Variants in CNKSR2 observed in about 807,000 individuals in gnomAD.
The protein encoded by CNKSR2 is connector enhancer of kinase suppressor of Ras 2, also known as CNK homolog protein 2.
CNKSR2 carries 14 observed loss-of-function variants against 84.4 expected under a neutral mutation model. That is an observed-to-expected ratio of 0.17 (90% confidence interval 0.11 to 0.26). CNKSR2 has a LOEUF of 0.26. Ranked by LOEUF, CNKSR2 falls within the 10% of genes least tolerant of loss-of-function variation. CNKSR2 has a pLI of 1.00. For synonymous variants in CNKSR2, 275 were observed against 277.9 expected, an observed-to-expected ratio of 0.99 and a Z score of 0.10; for missense variants, 485 against 771.2, an observed-to-expected ratio of 0.63 and a Z score of 4.40.
chrX:21,595,200 A>G (rs747990594), intron 16 of CNKSR2, 124 bp from the exon 17 acceptor site: 12 of 648,576 alleles, frequency 1.9e-5, no homozygotes, highest in African/African-American at 6.6e-5. Context: ...GATTTCTGTC[A>G]CCATGATAGA....
At chrX:21,512,714 T>C (rs978636443) in intron 8 of CNKSR2, among the ~76,000 whole-genome samples, 4 of 111,298 alleles carry the variant, frequency 3.6e-5, no homozygotes, top group African/African-American at 1.3e-4. Flanking sequence ...AAGTCATAGG[T>C]GACTCCAAAC....
At chrX:21,458,375 A>G (rs1462443053) in intron 4 of CNKSR2, among the ~76,000 whole-genome samples, 1 of 112,063 alleles carries the variant, frequency 8.9e-6, no homozygotes, top group Non-Finnish European at 1.9e-5. Flanking sequence ...GACCATTGCT[A>G]TATGTATGCA....
At chrX:21,557,614 G>T (rs1214750417) in intron 11 of CNKSR2, among the ~76,000 whole-genome samples, 2 of 111,223 alleles carry the variant, frequency 1.8e-5, no homozygotes, top group Non-Finnish European at 3.8e-5. Context: ...CAAGGCTTAT[G>T]ATAGGGTGCC....
At chrX:21,506,674 T>C (rs2147076680) in intron 8 of CNKSR2, 1 of 111,813 alleles carries the variant, frequency 8.9e-6, no homozygotes, top group South Asian at 3.7e-4. Context: ...AACCAATTTA[T>C]TTTCTCTGCA....
intron 13 of CNKSR2, among the ~76,000 whole-genome samples, chrX:21,568,162 C>T (rs949058042): frequency 9.0e-5 from 10 of 110,776 alleles, no homozygotes; most frequent in African/African-American, 3.0e-4. Flanking sequence ...GTAGCATGCA[C>T]CTATAGTCCC....
intron 20 of CNKSR2, among the ~76,000 whole-genome samples, chrX:21,610,915 C>T (rs1205019452): frequency 2.7e-5 from 3 of 111,800 alleles, no homozygotes; most frequent in African/African-American, 9.7e-5. Context: ...ATCTCATCTA[C>T]CAACAAAATA....
intron 20 of CNKSR2, among the ~76,000 whole-genome samples, chrX:21,615,752 T>A (rs1173937367): frequency 8.9e-6 from 1 of 111,822 alleles, no homozygotes; most frequent in Non-Finnish European, 1.9e-5. Context: ...AAATAGTGAA[T>A]TAGGCCTGGC....
intron 20 of CNKSR2, among the ~76,000 whole-genome samples, chrX:21,636,848 A>T (rs1413283008): frequency 9.0e-6 from 1 of 110,903 alleles, no homozygotes; most frequent in African/African-American, 3.3e-5. Context: ...TTACTGAACG[A>T]TATATTTCTA....
At chrX:21,475,179 A>G (rs1231912333) in intron 5 of CNKSR2, among the ~76,000 whole-genome samples, 1 of 111,667 alleles carries the variant, frequency 9.0e-6, no homozygotes, top group African/African-American at 3.3e-5. Flanking sequence ...AGAGTAACTG[A>G]CGGAGTATTA....
At chrX:21,579,326 A>C (rs1211638438) in intron 13 of CNKSR2, among the ~76,000 whole-genome samples, 1 of 111,996 alleles carries the variant, frequency 8.9e-6, no homozygotes, top group Non-Finnish European at 1.9e-5. Flanking sequence ...GGCCATTATC[A>C]GTGTTTACTG....
At chrX:21,480,205 G>A (rs774145087) in intron 5 of CNKSR2, among the ~76,000 whole-genome samples, 1 of 111,485 alleles carries the variant, frequency 9.0e-6, no homozygotes, top group East Asian at 2.8e-4. Context: ...AACTGACACA[G>A]TGTGGTTAGC....
intron 7 of CNKSR2, among the ~76,000 whole-genome samples, chrX:21,500,056 A>G (rs779148440): frequency 2.7e-5 from 3 of 111,017 alleles, no homozygotes; most frequent in African/African-American, 6.5e-5. Flanking sequence ...GAATTGTTTC[A>G]TGGTACTTGT....
intron 11 of CNKSR2, chrX:21,538,928 A>G (rs1311190612): frequency 8.9e-6 from 1 of 112,018 alleles, no homozygotes; most frequent in Non-Finnish European, 1.9e-5. Flanking sequence ...AGCCAGTTGG[A>G]TGGTGCCACC....
intron 4 of CNKSR2, among the ~76,000 whole-genome samples, chrX:21,469,063 C>T (rs1377226565): frequency 8.9e-6 from 1 of 112,449 alleles, no homozygotes; most frequent in Non-Finnish European, 1.9e-5. Context: ...GAAATAGTTA[C>T]TTTCCGTATG....
At chrX:21,617,715 G>A (rs989857412) in intron 20 of CNKSR2, among the ~76,000 whole-genome samples, 2 of 111,178 alleles carry the variant, frequency 1.8e-5, no homozygotes, top group Non-Finnish European at 3.8e-5. Flanking sequence ...TTGATATGGC[G>A]TTAGTTTATA....
Position 21,450,089 on chromosome X carries a change from C to T in CNKSR2, c.519+9308C>T, listed in dbSNP as rs140138705. The stretch of plus-strand genomic sequence containing the variant: ...ACTGTGTGTGTGTGTGTGTGTGAGA[C>T]ACAGAGAGAAAGAGGATCAGTCGGT... On this transcript the variant is annotated intron_variant, in intron 4 of 21. Transcript: ENST00000379510. Among the ~76,000 whole-genome samples, 875 of 110,278 alleles carry T rather than the reference C, an allele frequency of 7.9e-3. 5 individuals are homozygous for T. Among genetic ancestry groups the T allele is most frequent in the Non-Finnish European group, 0.011 (576 of 52,877 alleles).
intron 4 of CNKSR2, among the ~76,000 whole-genome samples, chrX:21,450,084 T>TGA (rs757901653): frequency 1.8e-5 from 2 of 111,067 alleles, no homozygotes; most frequent in Admixed American, 9.6e-5. Context: ...TGTGTGTGTG[T>TGA]GAGACACAGA....
Position 21,578,182 on chromosome X carries a change from G to A in CNKSR2, c.1609-12390G>A, listed in dbSNP as rs745460961. ...AATAGACTTCAATCCAAAACAACTT[G>A]GAATGCTGAGAAATAGATCAATGTT... On this transcript the variant is annotated intron_variant, in intron 13 of 21. Transcript: ENST00000379510. Among the ~76,000 whole-genome samples the A allele has an allele frequency of 5.4e-5, 6 of 111,366 alleles. No homozygotes were observed. The South Asian group carries it at 2.3e-3, about 42-fold the overall frequency.
chrX:21,496,316 C>T (rs770117145), intron 6 of CNKSR2, among the ~76,000 whole-genome samples: 1 of 111,139 alleles, frequency 9.0e-6, no homozygotes, highest in Non-Finnish European at 1.9e-5. Flanking sequence ...TTATATTTAC[C>T]GATCAGTAAA....
Sources: allele counts gnomAD v4.1 joint callset (sites outside exome capture counted in the v4.1 genomes callset), GRCh38; gene constraint gnomAD v4.1.1; transcripts MANE v1.5; gene names NCBI Gene and HGNC (gene_info 2026-07-23, HGNC 2026-07-21).